The following DOK6 variants were observed in gnomAD, a reference collection of about 807,000 sequenced individuals.
DOK6 encodes the protein downstream of tyrosine kinase 6.
In DOK6, 22 loss-of-function variants were observed where a neutral mutation model predicts 44.0. The ratio of observed to expected loss-of-function variants is 0.50; its 90% CI spans 0.36 to 0.71. DOK6 has a LOEUF of 0.71. Among genes scored for constraint, DOK6 ranks in the 30% least tolerant of loss-of-function variants. The pLI, the probability that DOK6 is intolerant of heterozygous loss-of-function variation, is 0.00. For missense variants in DOK6, 340 were observed against 416.4 expected, an observed-to-expected ratio of 0.82 and a Z score of 1.60; for synonymous variants, 166 against 145.5, an observed-to-expected ratio of 1.14 and a Z score of -1.01.
chr18:69,712,259 C>T (rs1233446869), intron 5 of DOK6, among the ~76,000 whole-genome samples: 5 of 109,520 alleles, frequency 4.6e-5, no homozygotes, highest in Non-Finnish European at 5.1e-5. Flanking sequence ...CCAGCCTGGG[C>T]GACAGAGCGA....
At chr18:69,528,961 C>A (rs1287327444) in intron 1 of DOK6, among the ~76,000 whole-genome samples, 2 of 152,070 alleles carry the variant, frequency 1.3e-5, no homozygotes, top group Admixed American at 6.6e-5. Context: ...CCATAAATCA[C>A]CTGAAGGAAG....
chr18:69,610,612 G>A (rs920574961), intron 3 of DOK6, among the ~76,000 whole-genome samples: 1 of 152,038 alleles, frequency 6.6e-6, no homozygotes, highest in Non-Finnish European at 1.5e-5. Flanking sequence ...AATGAACACA[G>A]TCCGCCCTCC....
At chr18:69,721,623 C>T (rs1288208493) in intron 5 of DOK6, among the ~76,000 whole-genome samples, 2 of 152,232 alleles carry the variant, frequency 1.3e-5, no homozygotes, top group African/African-American at 4.8e-5. Flanking sequence ...TGTGTCTTGA[C>T]ACTAGTCATC....
At chr18:69,773,754 G>T (rs1459406925) in intron 7 of DOK6, among the ~76,000 whole-genome samples, 1 of 151,782 alleles carries the variant, frequency 6.6e-6, no homozygotes. Flanking sequence ...ACATTTTACA[G>T]ATCTGTGCTT....
chr18:69,578,483 T>C (rs1026336415), intron 2 of DOK6, among the ~76,000 whole-genome samples: 1 of 152,218 alleles, frequency 6.6e-6, no homozygotes, highest in Non-Finnish European at 1.5e-5. Flanking sequence ...TTCAAACAAG[T>C]CATTCTACAT....
intron 1 of DOK6, among the ~76,000 whole-genome samples, chr18:69,547,937 T>C (rs1383683751): frequency 2.1e-5 from 3 of 140,766 alleles, no homozygotes; most frequent in Non-Finnish European, 4.7e-5. Flanking sequence ...ATATAATATA[T>C]ATATAATATA....
At chr18:69,794,033 A>C (rs1319318656) in intron 7 of DOK6, among the ~76,000 whole-genome samples, 1 of 152,178 alleles carries the variant, frequency 6.6e-6, no homozygotes, top group Non-Finnish European at 1.5e-5. Flanking sequence ...ATGAAGCTTC[A>C]GATGAATACT....
chr18:69,555,224 C>A (rs943782822), intron 1 of DOK6, among the ~76,000 whole-genome samples: 7 of 152,106 alleles, frequency 4.6e-5, no homozygotes, highest in African/African-American at 1.7e-4. Flanking sequence ...CTTCAAAAAG[C>A]TTTAATTACT....
At chr18:69,475,508 A>G (rs1319507397) in intron 1 of DOK6, among the ~76,000 whole-genome samples, 10 of 152,186 alleles carry the variant, frequency 6.6e-5, no homozygotes. Flanking sequence ...TGCAGAGAGA[A>G]ATTCAGCATT....
intron 1 of DOK6, among the ~76,000 whole-genome samples, chr18:69,470,746 G>A (rs1044228647): frequency 1.3e-5 from 2 of 152,150 alleles, no homozygotes; most frequent in Non-Finnish European, 2.9e-5. Flanking sequence ...TCTCCAGAAA[G>A]TTGTGTGGAA....
At chr18:69,551,575 C>G (rs996368403) in intron 1 of DOK6, among the ~76,000 whole-genome samples, 9 of 152,050 alleles carry the variant, frequency 5.9e-5, no homozygotes, top group Admixed American at 5.2e-4. Context: ...GTATAAAATA[C>G]TAAGGTTCCT....
chr18:69,405,580 A>G (rs973483443), intron 1 of DOK6, among the ~76,000 whole-genome samples: 16 of 148,704 alleles, frequency 1.1e-4, no homozygotes, highest in African/African-American at 4.0e-4. Flanking sequence ...ACTCTGTCTC[A>G]AAATAACTAA....
intron 3 of DOK6, among the ~76,000 whole-genome samples, chr18:69,619,825 A>T (rs1342664608): frequency 6.6e-6 from 1 of 152,230 alleles, no homozygotes; most frequent in African/African-American, 2.4e-5. Flanking sequence ...GTGTGTAAAC[A>T]TACACACGCA....
chr18:69,810,928 G>T lies in DOK6; in HGVS notation c.857-30316G>T, dbSNP rs13353228. The stretch of plus-strand genomic sequence containing the variant: ...AAATTAAAAATAAAACTACCATAGG[G>T]TCCAGCAATCCCAGTATTGGTTATT... On this transcript the variant is annotated intron_variant, in intron 7 of 7. Transcript: ENST00000382713. Among the ~76,000 whole-genome samples the T allele has an allele frequency of 8.0e-3, 1,223 of 152,014 alleles. 16 individuals carry two copies. Among genetic ancestry groups the T allele is most frequent in the African/African-American group, 0.027 (1,136 of 41,500 alleles).
At chr18:69,836,414 G>A (rs1264566679) in intron 7 of DOK6, among the ~76,000 whole-genome samples, 1 of 152,082 alleles carries the variant, frequency 6.6e-6, no homozygotes. Context: ...ACATACCTTA[G>A]TGAGAAGCTG....
intron 1 of DOK6, among the ~76,000 whole-genome samples, chr18:69,551,251 A>T (rs1982559241): frequency 6.6e-6 from 1 of 152,206 alleles, no homozygotes. Context: ...ATTAAAAAAT[A>T]TGTGTAACAT....
At chr18:69,759,932 G>A (rs2298785) in intron 7 of DOK6, among the ~76,000 whole-genome samples, 4,660 of 152,220 alleles carry the variant, frequency 0.031, 129 homozygotes, top group East Asian at 0.086. Flanking sequence ...CGGAAGTTAC[G>A]TTTCACTATA....
At chr18:69,707,395 TCTA>T (rs1357159464) in intron 5 of DOK6, among the ~76,000 whole-genome samples, 1 of 152,228 alleles carries the variant, frequency 6.6e-6, no homozygotes, top group Non-Finnish European at 1.5e-5. Flanking sequence ...TATCACAAGT[TCTA>T]CTAAGAGGCA....
intron 1 of DOK6, among the ~76,000 whole-genome samples, chr18:69,500,068 C>A (rs982661637): frequency 9.2e-5 from 14 of 152,224 alleles, no homozygotes; most frequent in Middle Eastern, 3.4e-3. Flanking sequence ...TCGACTTCAA[C>A]CTCAGTTTTC....
Sources: gnomAD v4.1 joint callset for allele counts (sites outside exome capture counted in the v4.1 genomes callset) on GRCh38, gnomAD v4.1.1 for gene constraint, MANE v1.5 for transcripts, NCBI Gene and HGNC (gene_info 2026-07-23, HGNC 2026-07-21) for gene names.